Variants in UNC5C observed in about 807,000 individuals in gnomAD.
The protein encoded by UNC5C is netrin receptor UNC5C.
Under a neutral mutation model 99.8 loss-of-function variants are expected in UNC5C, and 47 were observed. The observed-to-expected ratio is 0.47, with a 90% CI of 0.37 to 0.60. UNC5C has a LOEUF of 0.60. Among genes scored for constraint, UNC5C ranks in the 20% least tolerant of loss-of-function variants. UNC5C has a pLI of 0.00. For missense variants in UNC5C, 1,062 were observed against 1,165.9 expected, an observed-to-expected ratio of 0.91 and a Z score of 1.30; for synonymous variants, 487 against 452.2, an observed-to-expected ratio of 1.08 and a Z score of -0.98.
chr4:95,483,040 AAT>A (rs1560851131), intron 1 of UNC5C, among the ~76,000 whole-genome samples: 8 of 134,434 alleles, frequency 6.0e-5, no homozygotes, highest in African/African-American at 8.3e-5. Context: ...TAATAATAAT[AAT>A]AAAAACACAT....
chr4:95,359,645 G>A (rs2149434010), intron 1 of UNC5C, among the ~76,000 whole-genome samples: 1 of 152,080 alleles, frequency 6.6e-6, no homozygotes, highest in East Asian at 1.9e-4. Flanking sequence ...AACTTTGAGT[G>A]TGTCCCAAGA....
At chr4:95,406,338 C>A (rs1320299904) in intron 1 of UNC5C, among the ~76,000 whole-genome samples, 4 of 152,144 alleles carry the variant, frequency 2.6e-5, no homozygotes, top group African/African-American at 7.2e-5. Context: ...GTGCCCTCCC[C>A]TCCAGTTAAT....
chr4:95,204,973 G>A (rs1213748588), intron 11 of UNC5C, among the ~76,000 whole-genome samples: 1 of 147,000 alleles, frequency 6.8e-6, no homozygotes, highest in Non-Finnish European at 1.5e-5. Flanking sequence ...GGAAAAGAGA[G>A]AAGCTCAGAA....
chr4:95,253,225 A>T (rs546644758), intron 4 of UNC5C, among the ~76,000 whole-genome samples: 10 of 152,174 alleles, frequency 6.6e-5, no homozygotes, highest in Non-Finnish European at 1.3e-4. Flanking sequence ...ACCCATAGCT[A>T]TTCAAAACTA....
intron 1 of UNC5C, among the ~76,000 whole-genome samples, chr4:95,423,296 C>T (rs1746371946): frequency 2.0e-5 from 3 of 152,192 alleles, no homozygotes; most frequent in Admixed American, 2.0e-4. Flanking sequence ...GGCCATGCTG[C>T]CCAGAAAGCA....
intron 1 of UNC5C, among the ~76,000 whole-genome samples, chr4:95,508,513 T>C (rs1721984407): frequency 6.6e-6 from 1 of 152,052 alleles, no homozygotes; most frequent in Admixed American, 6.6e-5. Context: ...ATATGAATTC[T>C]CTGCTCCAGA....
chr4:95,535,349 C>T lies in UNC5C; in HGVS notation c.124+13385G>A, dbSNP rs143658104. Reference sequence around the variant, plus strand: ...GACATTCTTTCACCTGATGGTAACCCTAATGGAATGCAATTTTGTCATTCT... The same window carrying T: ...GACATTCTTTCACCTGATGGTAACCTTAATGGAATGCAATTTTGTCATTCT... On this transcript the variant is annotated intron_variant, in intron 1 of 15. Transcript: ENST00000453304. 5.7e-3 allele frequency among the ~76,000 whole-genome samples: 862 copies of T among 152,228 alleles called. 9 individuals are homozygous for T. Among genetic ancestry groups the T allele is most frequent in the African/African-American group, 0.02 (812 of 41,556 alleles).
intron 1 of UNC5C, among the ~76,000 whole-genome samples, chr4:95,467,073 G>A (rs1284719470): frequency 6.6e-6 from 1 of 152,120 alleles, no homozygotes; most frequent in African/African-American, 2.4e-5. Context: ...ACAGCCACAG[G>A]ACTGACACAA....
chr4:95,494,942 G>A (rs1033922817), intron 1 of UNC5C, among the ~76,000 whole-genome samples: 6 of 151,152 alleles, frequency 4.0e-5, no homozygotes, highest in African/African-American at 9.7e-5. Flanking sequence ...AATATATATG[G>A]CCACCATATA....
intron 10 of UNC5C, among the ~76,000 whole-genome samples, chr4:95,213,264 A>G (rs1045362235): frequency 1.3e-5 from 2 of 152,266 alleles, no homozygotes; most frequent in Non-Finnish European, 2.9e-5. Flanking sequence ...ACAAGAATCA[A>G]TAAAGAACAA....
intron 3 of UNC5C, among the ~76,000 whole-genome samples, chr4:95,281,298 G>T (rs57796775): frequency 0.032 from 4,850 of 152,224 alleles, 169 homozygotes; most frequent in African/African-American, 0.084. Context: ...TCTCCATATG[G>T]TAGACATTTT....
intron 1 of UNC5C, among the ~76,000 whole-genome samples, chr4:95,411,131 C>A (rs1167118743): frequency 6.6e-6 from 1 of 152,076 alleles, no homozygotes; most frequent in Non-Finnish European, 1.5e-5. Flanking sequence ...ATGCCACAGC[C>A]CCTCGGGACA....
intron 1 of UNC5C, among the ~76,000 whole-genome samples, chr4:95,455,932 C>T (rs2149469058): frequency 6.6e-6 from 1 of 152,114 alleles, no homozygotes; most frequent in South Asian, 2.1e-4. Context: ...ATCAGTATTC[C>T]TATGAAATGA....
intron 12 of UNC5C, among the ~76,000 whole-genome samples, chr4:95,201,558 C>CCTAT (rs945746381): frequency 6.6e-6 from 1 of 152,072 alleles, no homozygotes; most frequent in Non-Finnish European, 1.5e-5. Context: ...AGACAAAATT[C>CCTAT]CTATCTATTA....
intron 1 of UNC5C, among the ~76,000 whole-genome samples, chr4:95,358,891 A>G (rs1316302457): frequency 1.3e-5 from 2 of 152,210 alleles, no homozygotes; most frequent in Non-Finnish European, 2.9e-5. Context: ...AGATTTTGAA[A>G]TATGACAAAT....
intron 1 of UNC5C, among the ~76,000 whole-genome samples, chr4:95,446,658 G>A (rs987682133): frequency 6.6e-6 from 1 of 152,120 alleles, no homozygotes; most frequent in Non-Finnish European, 1.5e-5. Flanking sequence ...AGGTTCACTG[G>A]CACACAACAG....
intron 1 of UNC5C, among the ~76,000 whole-genome samples, chr4:95,440,542 T>C (rs62308766): frequency 2.5e-3 from 387 of 152,322 alleles, no homozygotes; most frequent in Non-Finnish European, 4.6e-3. Context: ...TAGAAGACTC[T>C]ACTTACTTCT....
Position 95,370,016 on chromosome 4 carries a change from C to T in UNC5C, c.125-34385G>A, listed in dbSNP as rs182116216. Among the ~76,000 whole-genome samples the T allele has an allele frequency of 4.6e-4, 70 of 152,042 alleles. No individual in the cohort carries two copies. The Middle Eastern group carries it at 0.024, about 52-fold the overall frequency. The stretch of plus-strand genomic sequence containing the variant: ...ATATAGTTTTAGAGGTAGAAAAAAA[C>T]TAATGAGCATACATTTCAAATTCTT... On this transcript the variant is annotated intron_variant, in intron 1 of 15. Transcript: ENST00000453304.
At position 95,185,093 on chromosome 4, in the gene UNC5C, T is replaced by A. The variant is rs146792764; in HGVS notation, c.2240A>T (p.Asp747Val). The change falls in exon 13 of 16, where the codon GAT becomes GTT. Residue 747 changes from aspartate (D) to valine (V), a missense_variant. Transcript: ENST00000453304. ...GCTCTTCCAGAGGGAATGGGCGATA[T>A]CGTGAATTGACAGGCGCAGGTTGTG... Reference protein sequence around the residue: ...STHNLRLSIHDIAHSLWKSKL... With the variant: ...STHNLRLSIHVIAHSLWKSKL... 1 of 1,613,956 alleles carries A rather than the reference T, an allele frequency of 6.2e-7. No homozygotes were observed.
Sources: allele counts gnomAD v4.1 joint callset (sites outside exome capture counted in the v4.1 genomes callset), GRCh38; gene constraint gnomAD v4.1.1; transcripts MANE v1.5; gene names NCBI Gene and HGNC (gene_info 2026-07-23, HGNC 2026-07-21).